ERCC2: variants seen among roughly 807,000 people sequenced by gnomAD.
The protein encoded by ERCC2 is general transcription and DNA repair factor IIH helicase subunit XPD.
ERCC2 carries 90 observed loss-of-function variants against 99.4 expected under a neutral mutation model. The observed-to-expected ratio is 0.91, with a 90% CI of 0.76 to 1.08. ERCC2 has a LOEUF of 1.08. Ranked by LOEUF, ERCC2 falls within the 50% of genes least tolerant of loss-of-function variation. ERCC2 has a pLI of 0.00. For synonymous variants in ERCC2, 497 were observed against 432.4 expected (o/e 1.15, Z -1.85); for missense variants, 993 against 1,038.1 (o/e 0.96, Z 0.60).
At chr19:45,358,685 T>C in intron 12 of ERCC2, 2 of 656,496 alleles carry the variant, frequency 3.0e-6, no homozygotes, top group East Asian at 2.8e-5. Context: ...CTGAGACTGC[T>C]CAAAAGTCAG....
At position 45,351,453 on chromosome 19, in the gene ERCC2, C is replaced by A; in HGVS notation, c.*176G>T. 1.3e-6 allele frequency: 2 copies of A among 1,583,024 alleles called. No individual in the cohort carries two copies. Among genetic ancestry groups the A allele is most frequent in the African/African-American group, 1.3e-5 (1 of 74,662 alleles). On this transcript the variant is annotated 3_prime_UTR_variant, in exon 23 of 23. Coordinates refer to ENST00000391945, the MANE Select transcript of ERCC2 (RefSeq NM_000400.4). ...GGGGTCTATCATCTCCTGGCCCCCC[C>A]TTGCCTCTGGGTACCTGGTGGATAG...
Position 45,351,484 on chromosome 19 carries a change from T to C in ERCC2, c.*145A>G. 1 of 1,588,962 alleles carries C rather than the reference T, an allele frequency of 6.3e-7. No homozygotes were observed. The highest frequency in any genetic ancestry group is 8.5e-7 in the Non-Finnish European group (1 of 1,171,946). Reference sequence around the variant, plus strand: ...TCTGGGTACCTGGTGGATAGCTGCCTTCTCCTGCGATTAAAGGCTGTGGAC... The same window carrying C: ...TCTGGGTACCTGGTGGATAGCTGCCCTCTCCTGCGATTAAAGGCTGTGGAC... On this transcript the variant is annotated 3_prime_UTR_variant, in exon 23 of 23. Transcript: ENST00000391945.
At chr19:45,369,247 ACAG>A in intron 2 of ERCC2, 100 bp from the exon 3 acceptor site, 1 of 888,832 alleles carries the variant, frequency 1.1e-6, no homozygotes, top group East Asian at 2.4e-5. Context: ...CCAACTCAGA[ACAG>A]CAGGATAACA....
rs771037042 is a variant in ERCC2, at chr19:45,350,385, G to C, written c.*1244C>G. On this transcript the variant is annotated 3_prime_UTR_variant, in exon 23 of 23. Coordinates refer to ENST00000391945, the MANE Select transcript of ERCC2 (RefSeq NM_000400.4). ...AGAACAAGTATCAACAAGCGGAAGA[G>C]CTGTACAAAGAAATCCTCCACAAGG... 5 of 1,613,796 alleles carry C rather than the reference G, an allele frequency of 3.1e-6. No homozygotes were observed. The highest frequency in any genetic ancestry group is 1.1e-5 in the South Asian group (1 of 91,048).
intron 7 of ERCC2, 32 bp downstream of exon 7, chr19:45,364,806 C>T (rs745966018): frequency 2.2e-5 from 33 of 1,530,978 alleles, no homozygotes; most frequent in Middle Eastern, 1.7e-4. Flanking sequence ...CCCTCACACT[C>T]GCCCCTCTGC....
At chr19:45,359,102 G>T (rs1345778547) in intron 12 of ERCC2, among the ~76,000 whole-genome samples, 1 of 152,158 alleles carries the variant, frequency 6.6e-6, no homozygotes. Flanking sequence ...GGGCAGTGCT[G>T]GGACAGAGGT....
intron 15 of ERCC2, 24 bp downstream of exon 15, chr19:45,357,246 C>T: frequency 6.3e-7 from 1 of 1,582,312 alleles, no homozygotes. Context: ...CCTCCCGGCC[C>T]CAGCCCTAGC....
In ERCC2 at chr19:45,363,844, G is replaced by A. The variant is rs1412068236; in HGVS notation, c.1017C>T (p.Tyr339=). ...GCTGCACACGCAGCCGCCACTTCAC[G>A]TACTCCAGCAGCCGCCTCAGGAAGC... ...FLGFLRRLLE[Y]VKWRLRVQHV... The change falls in exon 11 of 23, where the codon TAC becomes TAT. Residue 339 remains tyrosine (Y), a synonymous_variant. Transcript: ENST00000391945. 93 of 1,548,648 alleles carry A rather than the reference G, an allele frequency of 6.0e-5. No homozygotes were observed. Among genetic ancestry groups the A allele is most frequent in the Non-Finnish European group, 7.6e-5 (88 of 1,153,954 alleles).
Position 45,350,426 on chromosome 19 carries a change from CT to C in ERCC2, c.*1202del, listed in dbSNP as rs1260789557. The C allele has an allele frequency of 1.2e-6, 2 of 1,613,486 alleles. No individual in the cohort carries two copies. Among genetic ancestry groups the C allele is most frequent in the African/African-American group, 2.7e-5 (2 of 74,874 alleles). On this transcript the variant is annotated 3_prime_UTR_variant, in exon 23 of 23. Coordinates refer to ENST00000391945, the MANE Select transcript of ERCC2 (RefSeq NM_000400.4). ...CTCCACAAGGAGGACCTACCCGCCC[CT>C]CTCGGTGAGCCCCTAGCCCCTGTCT...
In ERCC2 at chr19:45,353,168, G is replaced by A. The variant is rs113053937; in HGVS notation, c.1759-13C>T. The stretch of plus-strand genomic sequence containing the variant: ...CATTCTCGCAGGCCTGAGGTGGGGA[G>A]ACCGAGACGCAAGTTAGGTCACTCC... On this transcript the variant is annotated splice_polypyrimidine_tract_variant and intron_variant, in intron 18 of 22. Coordinates refer to ENST00000391945, the MANE Select transcript of ERCC2 (RefSeq NM_000400.4). 1.9e-6 allele frequency: 3 copies of A among 1,613,750 alleles called. No individual in the cohort carries two copies. The highest frequency in any genetic ancestry group is 1.7e-5 in the Admixed American group (1 of 59,988).
At chr19:45,353,374 A>G in intron 17 of ERCC2, 40 bp from the exon 18 acceptor site, 1 of 1,416,754 alleles carries the variant, frequency 7.1e-7, no homozygotes, top group South Asian at 1.2e-5. Flanking sequence ...GGTTCAGGGC[A>G]CAGCCATCCT....
At position 45,370,114 on chromosome 19, in the gene ERCC2, G is replaced by T; in HGVS notation, c.105+19C>A. 1 of 1,611,744 alleles carries T rather than the reference G, an allele frequency of 6.2e-7. No individual in the cohort carries two copies. The highest frequency in any genetic ancestry group is 1.1e-5 in the South Asian group (1 of 91,000). ...GCCCCACCGGTCGAGTGGGCGGGTC[G>T]GGCCCACCGGCCACCCACCTTGGCG... On this transcript the variant is annotated intron_variant, in intron 2 of 22. Transcript: ENST00000391945.
chr19:45,351,641 A>G lies in ERCC2; in HGVS notation c.2271T>C (p.Ala757=), dbSNP rs1330925967. ...CCACCCGCCCCACTCAGAGCTGCTGAGCAATCTGCTCTATCCTCTTCAGCG... is the reference window on the plus strand; with the variant it reads ...CCACCCGCCCCACTCAGAGCTGCTGGGCAATCTGCTCTATCCTCTTCAGCG... ...EETLKRIEQI[A]QQL Residue 757 remains alanine (A), a synonymous_variant, in exon 23 of 23, where the codon GCT becomes GCC. Transcript: ENST00000391945. 2 of 1,614,052 alleles carry G rather than the reference A, an allele frequency of 1.2e-6. No individual in the cohort carries two copies. The highest frequency in any genetic ancestry group is 2.2e-5 in the South Asian group (2 of 91,074).
intron 5 of ERCC2, among the ~76,000 whole-genome samples, chr19:45,367,366 TATAC>T (rs760981366): frequency 2.0e-3 from 184 of 90,730 alleles, no homozygotes; most frequent in Middle Eastern, 0.011. Flanking sequence ...TATATATATA[TATAC>T]ACACACACAC....
Position 45,351,444 on chromosome 19 carries a change from T to A in ERCC2, c.*185A>T, listed in dbSNP as rs925666617. 1 of 1,585,098 alleles carries A rather than the reference T, an allele frequency of 6.3e-7. No homozygotes were observed. The highest frequency in any genetic ancestry group is 8.6e-7 in the Non-Finnish European group (1 of 1,169,038). On this transcript the variant is annotated 3_prime_UTR_variant, in exon 23 of 23. Coordinates refer to ENST00000391945, the MANE Select transcript of ERCC2 (RefSeq NM_000400.4). ...GGGTGAGAGGGGGTCTATCATCTCCTGGCCCCCCCTTGCCTCTGGGTACCT... is the reference window on the plus strand; with the variant it reads ...GGGTGAGAGGGGGTCTATCATCTCCAGGCCCCCCCTTGCCTCTGGGTACCT...
chr19:45,357,005 T>C (rs1403536633), intron 15 of ERCC2, among the ~76,000 whole-genome samples: 1 of 152,150 alleles, frequency 6.6e-6, no homozygotes, highest in African/African-American at 2.4e-5. Flanking sequence ...GCGACCTAAG[T>C]GGTTTACCCC....
chr19:45,353,180 A>G, intron 18 of ERCC2, 25 bp from the exon 19 acceptor site: 3 of 1,613,584 alleles, frequency 1.9e-6, no homozygotes, highest in Non-Finnish European at 2.5e-6. Flanking sequence ...CCGAGACGCA[A>G]GTTAGGTCAC....
Position 45,359,711 on chromosome 19 carries a change from C to T in ERCC2, c.1237+1813G>A, listed in dbSNP as rs146787874. The stretch of plus-strand genomic sequence containing the variant: ...CCCCATGGCCACATCCTGGCCAAGG[C>T]CCCTCCCCTCCTGCTCAGGTCCCTG... On this transcript the variant is annotated intron_variant, in intron 12 of 22. Transcript: ENST00000391945. Among the ~76,000 whole-genome samples, 141 of 152,248 alleles carry T rather than the reference C, an allele frequency of 9.3e-4. 1 individual carries two copies. Among genetic ancestry groups the T allele is most frequent in the South Asian group, 2.3e-3 (11 of 4,826 alleles).
In ERCC2 at chr19:45,357,914, A is replaced by G. The variant is rs764886281; in HGVS notation, c.1238-215T>C. On this transcript the variant is annotated intron_variant, in intron 12 of 22. Transcript: ENST00000391945. ...GTCCGCTTCGGGCCCACACCTGTGC[A>G]AACTTTCACGAAGGATCCCAAGTAG... 6.8e-4 allele frequency: 412 copies of G among 608,966 alleles called. 2 individuals carry two copies. The highest frequency in any genetic ancestry group is 2.4e-4 in the Non-Finnish European group (81 of 337,324). The allele number at this position is 608,966 out of a possible 1,614,324, so 37.7% of individuals were successfully genotyped here.
Sources: allele counts gnomAD v4.1 joint callset (sites outside exome capture counted in the v4.1 genomes callset), GRCh38; gene constraint gnomAD v4.1.1; transcripts MANE v1.5; gene names NCBI Gene and HGNC (gene_info 2026-07-23, HGNC 2026-07-21).